Variants in CHCHD6 observed in about 807,000 individuals in gnomAD.
The protein encoded by CHCHD6 is MICOS complex subunit MIC25.
CHCHD6 carries 28 observed loss-of-function variants against 32.3 expected under a neutral mutation model. That is an observed-to-expected ratio of 0.87 (90% confidence interval 0.64 to 1.19). CHCHD6 has a LOEUF of 1.19. Among genes scored for constraint, CHCHD6 ranks in the 50% most tolerant of loss-of-function variants. The pLI, the probability that CHCHD6 is intolerant of heterozygous loss-of-function variation, is 0.00. For synonymous variants in CHCHD6, 122 were observed against 117.5 expected (o/e 1.04, Z -0.25); for missense variants, 333 against 307.0 (o/e 1.08, Z -0.63).
At chr3:126,779,276 C>T (rs1034274815) in intron 4 of CHCHD6, among the ~76,000 whole-genome samples, 30 of 152,064 alleles carry the variant, frequency 2.0e-4, no homozygotes, top group African/African-American at 6.5e-4. Flanking sequence ...CAGTGCCTCA[C>T]GCCTGTAATC....
At chr3:126,806,768 A>G (rs977903047) in intron 4 of CHCHD6, among the ~76,000 whole-genome samples, 4 of 152,096 alleles carry the variant, frequency 2.6e-5, no homozygotes, top group South Asian at 2.1e-4. Context: ...TTGCGGCACT[A>G]TTCCCAATAG....
chr3:126,871,419 G>A (rs891878021), intron 5 of CHCHD6, among the ~76,000 whole-genome samples: 2 of 152,030 alleles, frequency 1.3e-5, no homozygotes, highest in Non-Finnish European at 2.9e-5. Context: ...GTGCTTCTAC[G>A]AAAACTTCCT....
chr3:126,828,492 G>A (rs1224243611), intron 4 of CHCHD6, among the ~76,000 whole-genome samples: 5 of 152,304 alleles, frequency 3.3e-5, no homozygotes, highest in East Asian at 1.9e-4. Context: ...CGGAACTGAC[G>A]CAGCTGGCAA....
At chr3:126,754,516 C>T (rs757467762) in intron 4 of CHCHD6, among the ~76,000 whole-genome samples, 3 of 152,222 alleles carry the variant, frequency 2.0e-5, no homozygotes, top group East Asian at 3.8e-4. Flanking sequence ...TGAGCTCTTT[C>T]TAAGGTACCG....
chr3:126,818,422 TGACA>T (rs1041567749), intron 4 of CHCHD6, among the ~76,000 whole-genome samples: 3 of 152,326 alleles, frequency 2.0e-5, no homozygotes, highest in African/African-American at 7.2e-5. Flanking sequence ...ATCCCCTCAG[TGACA>T]GACAGCCTGC....
intron 5 of CHCHD6, among the ~76,000 whole-genome samples, chr3:126,883,166 C>T (rs9822762): frequency 0.022 from 3,392 of 152,284 alleles, 132 homozygotes; most frequent in African/African-American, 0.077. Flanking sequence ...GGAAGCTCCA[C>T]GTCCCTTTTC....
At chr3:126,837,713 G>A (rs989519909) in intron 4 of CHCHD6, among the ~76,000 whole-genome samples, 3 of 152,198 alleles carry the variant, frequency 2.0e-5, no homozygotes, top group Admixed American at 6.5e-5. Context: ...TTCATGAGGT[G>A]TCACTGATTC....
At chr3:126,900,209 A>G (rs149057176) in intron 5 of CHCHD6, among the ~76,000 whole-genome samples, 2 of 152,284 alleles carry the variant, frequency 1.3e-5, no homozygotes, top group Non-Finnish European at 2.9e-5. Flanking sequence ...TGGAGACCTG[A>G]TCTTAACCCT....
At chr3:126,833,594 G>A (rs1334135522) in intron 4 of CHCHD6, among the ~76,000 whole-genome samples, 1 of 152,198 alleles carries the variant, frequency 6.6e-6, no homozygotes, top group Non-Finnish European at 1.5e-5. Context: ...CAGCCTTGCT[G>A]TCTGATAGCT....
intron 4 of CHCHD6, among the ~76,000 whole-genome samples, chr3:126,786,473 AT>A (rs1354901665): frequency 6.6e-6 from 1 of 152,126 alleles, no homozygotes; most frequent in Non-Finnish European, 1.5e-5. Flanking sequence ...ATTTCTCCAC[AT>A]CCTCTCCAGC....
At chr3:126,925,964 G>T (rs972488698) in intron 6 of CHCHD6, among the ~76,000 whole-genome samples, 1 of 152,222 alleles carries the variant, frequency 6.6e-6, no homozygotes, top group South Asian at 2.1e-4. Context: ...CTGTGCCAGA[G>T]AGGATATATA....
At chr3:126,896,643 C>A (rs1345177348) in intron 5 of CHCHD6, among the ~76,000 whole-genome samples, 1 of 152,242 alleles carries the variant, frequency 6.6e-6, no homozygotes, top group Non-Finnish European at 1.5e-5. Flanking sequence ...CTCTTCTTCT[C>A]ATACCTGATC....
chr3:126,838,246 A>AAAATTTGTATCGTGT (rs1940938518), intron 4 of CHCHD6, among the ~76,000 whole-genome samples: 1 of 152,170 alleles, frequency 6.6e-6, no homozygotes, highest in Admixed American at 6.5e-5. Context: ...TGACTCTTGG[A>AAAATTTGTATCGTGT]AAATTTGTAT....
At chr3:126,730,498 C>T in intron 2 of CHCHD6, 63 bp from the exon 3 acceptor site, 2 of 1,388,000 alleles carry the variant, frequency 1.4e-6, no homozygotes, top group South Asian at 1.2e-5. Flanking sequence ...CTCTGGGTGA[C>T]CTCTGTGACT....
At chr3:126,864,976 A>G (rs1037934020) in intron 5 of CHCHD6, among the ~76,000 whole-genome samples, 1 of 126,362 alleles carries the variant, frequency 7.9e-6, no homozygotes, top group Non-Finnish European at 1.6e-5. Context: ...CACCTCCATC[A>G]TCACCACTAC....
At chr3:126,863,533 TCCTCCTCCTCCACCATCACCA>T (rs1559888890) in intron 5 of CHCHD6, among the ~76,000 whole-genome samples, 21 of 104,664 alleles carry the variant, frequency 2.0e-4, no homozygotes, top group Admixed American at 1.7e-3. Context: ...CATCACCACC[TCCTCCTCCTCCACCATCACCA>T]CCTCCTCCTC....
chr3:126,842,992 C>T (rs1313260320), intron 4 of CHCHD6, among the ~76,000 whole-genome samples: 1 of 151,900 alleles, frequency 6.6e-6, no homozygotes, highest in Admixed American at 6.6e-5. Context: ...TAACCTTTTT[C>T]TCTGCTGTCT....
chr3:126,948,936 A>T lies in CHCHD6; in HGVS notation c.567-8480A>T, dbSNP rs965380972. On this transcript the variant is annotated intron_variant, in intron 6 of 7. Transcript: ENST00000290913. ...TTTCACTGGGCCCATGAATGGGTTCATACTAGCCCAGGCTGGCTCATGTGG... is the reference window on the plus strand; with the variant it reads ...TTTCACTGGGCCCATGAATGGGTTCTTACTAGCCCAGGCTGGCTCATGTGG... Among the ~76,000 whole-genome samples the T allele has an allele frequency of 2.0e-5, 3 of 152,338 alleles. No individual in the cohort carries two copies. The East Asian group carries it at 5.8e-4, about 29-fold the overall frequency.
chr3:126,852,961 C>A (rs1296361893), intron 5 of CHCHD6, among the ~76,000 whole-genome samples: 1 of 152,108 alleles, frequency 6.6e-6, no homozygotes, highest in Non-Finnish European at 1.5e-5. Flanking sequence ...TCCCCCTGCC[C>A]CACCTTTTTT....
Sources: allele counts gnomAD v4.1 joint callset (sites outside exome capture counted in the v4.1 genomes callset), GRCh38; gene constraint gnomAD v4.1.1; transcripts MANE v1.5; gene names NCBI Gene and HGNC (gene_info 2026-07-23, HGNC 2026-07-21).